Variants in RHOU observed in about 807,000 individuals in gnomAD.
RHOU encodes rho-related GTP-binding protein RhoU.
A neutral mutation model predicts 12.6 loss-of-function variants in RHOU; 8 were observed. The ratio of observed to expected loss-of-function variants is 0.64; its 90% confidence interval spans 0.37 to 1.15. RHOU has a LOEUF of 1.15. RHOU is among the 50% of genes most tolerant of loss of function. RHOU has a pLI of 0.01. For synonymous variants in RHOU, 161 were observed against 147.4 expected, an observed-to-expected ratio of 1.09 and a Z score of -0.67; for missense variants, 258 against 347.0, an observed-to-expected ratio of 0.74 and a Z score of 2.04.
At chr1:228,713,846 G>A in the RHOU span, among the ~76,000 whole-genome samples, 1 of 152,156 alleles carries the variant, frequency 6.6e-6, no homozygotes, top group African/African-American at 2.4e-5. Flanking sequence ...CCTATCTCCA[G>A]GTGGATGCTG....
chr1:228,695,420 A>G, the RHOU span, among the ~76,000 whole-genome samples: 2 of 152,244 alleles, frequency 1.3e-5, no homozygotes, highest in South Asian at 2.1e-4. Flanking sequence ...GTATCCTCCA[A>G]TTCAATTCTG....
intron 1 of RHOU, among the ~76,000 whole-genome samples, chr1:228,736,813 A>G (rs971147330): frequency 6.6e-6 from 1 of 151,420 alleles, no homozygotes; most frequent in African/African-American, 2.4e-5. Flanking sequence ...AGTATGAAAC[A>G]CTTAACTGTC....
the RHOU span, among the ~76,000 whole-genome samples, chr1:228,671,302 G>A: frequency 6.6e-6 from 1 of 152,182 alleles, no homozygotes; most frequent in Non-Finnish European, 1.5e-5. Flanking sequence ...ACCATGCCTA[G>A]CCTCAAGTAA....
At chr1:228,688,662 G>A in the RHOU span, among the ~76,000 whole-genome samples, 1 of 152,232 alleles carries the variant, frequency 6.6e-6, no homozygotes, top group Admixed American at 6.5e-5. Flanking sequence ...GCCATGGCCA[G>A]TTGTAAAGTG....
the RHOU span, among the ~76,000 whole-genome samples, chr1:228,675,258 T>TG: frequency 2.6e-5 from 4 of 152,190 alleles, no homozygotes; most frequent in East Asian, 7.7e-4. Flanking sequence ...GGTCTGTTTA[T>TG]GGAATCTCTA....
the RHOU span, among the ~76,000 whole-genome samples, chr1:228,707,130 A>ATATG: frequency 1.0e-4 from 11 of 110,184 alleles, no homozygotes; most frequent in Middle Eastern, 4.3e-3. Flanking sequence ...ATATATACAT[A>ATATG]TATATATATA....
the RHOU span, among the ~76,000 whole-genome samples, chr1:228,647,130 G>T: frequency 2.0e-5 from 3 of 152,174 alleles, no homozygotes; most frequent in Admixed American, 6.5e-5. Flanking sequence ...CCGGAATAGG[G>T]TGGAGGGGTT....
the RHOU span, among the ~76,000 whole-genome samples, chr1:228,704,283 C>G: frequency 6.6e-6 from 1 of 152,114 alleles, no homozygotes; most frequent in Admixed American, 6.5e-5. Context: ...ACCCAACCAC[C>G]TTGGGCACAT....
At chr1:228,684,657 T>G in the RHOU span, among the ~76,000 whole-genome samples, 1 of 152,124 alleles carries the variant, frequency 6.6e-6, no homozygotes, top group Non-Finnish European at 1.5e-5. Context: ...CTTTTCACTC[T>G]CAGAATCGTT....
the RHOU span, among the ~76,000 whole-genome samples, chr1:228,683,600 A>G: frequency 6.6e-6 from 1 of 152,270 alleles, no homozygotes; most frequent in East Asian, 1.9e-4. Context: ...CAAAATCCAT[A>G]AAGGAAAAAA....
chr1:228,727,401 C>T, the RHOU span, among the ~76,000 whole-genome samples: 1 of 152,022 alleles, frequency 6.6e-6, no homozygotes, highest in East Asian at 1.9e-4. Context: ...TCTCTGTCTC[C>T]TGGGTTAAGG....
the RHOU span, among the ~76,000 whole-genome samples, chr1:228,662,821 C>G: frequency 6.6e-6 from 1 of 152,092 alleles, no homozygotes; most frequent in Non-Finnish European, 1.5e-5. Flanking sequence ...AAAACTATAT[C>G]CCTAGTCAAG....
At chr1:228,699,034 G>T in the RHOU span, among the ~76,000 whole-genome samples, 2 of 151,988 alleles carry the variant, frequency 1.3e-5, no homozygotes, top group Non-Finnish European at 2.9e-5. Flanking sequence ...CCAATCTCAG[G>T]GTTGTAAATC....
the RHOU span, among the ~76,000 whole-genome samples, chr1:228,697,508 C>T: frequency 6.6e-6 from 1 of 152,158 alleles, no homozygotes; most frequent in African/African-American, 2.4e-5. Flanking sequence ...GTTGCCAGGA[C>T]TTCTCTAGGG....
chr1:228,681,933 C>A, the RHOU span, among the ~76,000 whole-genome samples: 1 of 152,082 alleles, frequency 6.6e-6, no homozygotes, highest in African/African-American at 2.4e-5. Flanking sequence ...TGACTTGCCA[C>A]CAAGGGAATG....
chr1:228,678,885 C>T, the RHOU span, among the ~76,000 whole-genome samples: 46 of 152,126 alleles, frequency 3.0e-4, no homozygotes, highest in African/African-American at 9.2e-4. Flanking sequence ...AGCCACCCCA[C>T]GCAGACATGA....
At chr1:228,736,512 A>G (rs1662615994) in intron 1 of RHOU, among the ~76,000 whole-genome samples, 1 of 152,034 alleles carries the variant, frequency 6.6e-6, no homozygotes, top group Non-Finnish European at 1.5e-5. Flanking sequence ...AGACGCCGGG[A>G]AAACACTTGA....
Position 228,737,643 on chromosome 1 carries a change from C to G in RHOU, c.263-30C>G. The G allele has an allele frequency of 6.2e-7, 1 of 1,611,088 alleles. No individual in the cohort carries two copies. The highest frequency in any genetic ancestry group is 1.1e-5 in the South Asian group (1 of 91,026). On this transcript the variant is annotated intron_variant, in intron 1 of 2. Coordinates refer to ENST00000366691, the MANE Select transcript of RHOU (RefSeq NM_021205.6). This position sits in a 1 kb window ranked among gnomAD's most constrained non-coding sequence, Gnocchi z 4.1. ...TTCCGAAAGGGGTTAAAAGACACCT[C>G]CTGATTGTCATTTTGGTTTTGTTTT...
At chr1:228,682,675 A>G in the RHOU span, among the ~76,000 whole-genome samples, 3 of 152,326 alleles carry the variant, frequency 2.0e-5, no homozygotes, top group Non-Finnish European at 4.4e-5. Context: ...GTGGGGCAGA[A>G]ACAAATCATA....
Sources: allele counts gnomAD v4.1 joint callset (sites outside exome capture counted in the v4.1 genomes callset), GRCh38; gene constraint gnomAD v4.1.1; non-coding constraint Gnocchi (gnomAD v3.1); transcripts MANE v1.5; gene names NCBI Gene and HGNC (gene_info 2026-07-23, HGNC 2026-07-21).